SEMA4D: variants seen among roughly 807,000 people sequenced by gnomAD.
The protein encoded by SEMA4D is semaphorin 4D.
Under a neutral mutation model 74.8 loss-of-function variants are expected in SEMA4D, and 22 were observed. That is an observed-to-expected ratio of 0.29 (90% CI 0.21 to 0.42). The LOEUF is 0.42. Ranked by LOEUF, SEMA4D falls within the 10% of genes least tolerant of loss-of-function variation. The pLI, the probability that SEMA4D is intolerant of heterozygous loss-of-function variation, is 1.00. For synonymous variants in SEMA4D, 445 were observed against 463.7 expected, an observed-to-expected ratio of 0.96 and a Z score of 0.52; for missense variants, 937 against 1,118.4, an observed-to-expected ratio of 0.84 and a Z score of 2.31.
intron 1 of SEMA4D, among the ~76,000 whole-genome samples, chr9:89,473,589 C>T (rs1860994305): frequency 6.6e-6 from 1 of 150,954 alleles, no homozygotes; most frequent in African/African-American, 2.4e-5. Context: ...GGGCATGGTG[C>T]CTCATGCCTG....
At chr9:89,422,321 A>T (rs10908914) in intron 2 of SEMA4D, among the ~76,000 whole-genome samples, 43,331 of 152,146 alleles carry the variant, frequency 0.28, 6,386 homozygotes, top group Middle Eastern at 0.42. Context: ...GGTGAAGGTG[A>T]GAGTCAGATA....
At chr9:89,453,484 T>A (rs569369743) in intron 2 of SEMA4D, among the ~76,000 whole-genome samples, 1 of 152,214 alleles carries the variant, frequency 6.6e-6, no homozygotes, top group Non-Finnish European at 1.5e-5. Context: ...TTGCTGCCTG[T>A]CTTATCCTAT....
chr9:89,374,732 G>A (rs1284607594), downstream of SEMA4D, among the ~76,000 whole-genome samples: 1 of 152,172 alleles, frequency 6.6e-6, no homozygotes, highest in Non-Finnish European at 1.5e-5. Context: ...CTAGCTACAG[G>A]GGGTACACCT....
downstream of SEMA4D, chr9:89,376,894 C>T (rs1835869058): frequency 1.9e-6 from 3 of 1,550,734 alleles, no homozygotes; most frequent in Non-Finnish European, 2.6e-6. Context: ...CCTGGTCACT[C>T]AGGAAGGGCG....
intron 2 of SEMA4D, among the ~76,000 whole-genome samples, chr9:89,432,748 T>C (rs1198175963): frequency 6.6e-6 from 1 of 152,146 alleles, no homozygotes; most frequent in Non-Finnish European, 1.5e-5. Flanking sequence ...TTGGTGAGGA[T>C]GTGGAGAAGC....
Position 89,484,797 on chromosome 9 carries a change from T to A in SEMA4D, c.-310+13122A>T, listed in dbSNP as rs1235874639. The stretch of plus-strand genomic sequence containing the variant: ...GGGAATGTGTGGTGTGGTGTGTGGA[T>A]GTATTGTGTGGTGGGTGTGTGGTGT... On this transcript the variant is annotated intron_variant, in intron 1 of 15. Coordinates refer to ENST00000422704, the MANE Select transcript of SEMA4D (RefSeq NM_001371194.2). The surrounding 1 kb of genome is among the most constrained non-coding windows in gnomAD (Gnocchi z 4.1). Among the ~76,000 whole-genome samples the A allele has an allele frequency of 1.3e-5, 2 of 149,890 alleles. No homozygotes were observed. The highest frequency in any genetic ancestry group is 4.9e-5 in the African/African-American group (2 of 40,616).
intron 13 of SEMA4D, chr9:89,385,786 G>C (rs1046769478): frequency 7.2e-6 from 4 of 554,910 alleles, no homozygotes; most frequent in South Asian, 7.9e-5. Flanking sequence ...GGACTGACTG[G>C]GCCTGGATCC....
chr9:89,437,728 T>G (rs950997196), intron 2 of SEMA4D, among the ~76,000 whole-genome samples: 2 of 152,108 alleles, frequency 1.3e-5, no homozygotes, highest in African/African-American at 4.8e-5. Context: ...CAACGTGACT[T>G]GAGCAGGCAC....
At chr9:89,450,158 C>T in intron 2 of SEMA4D, 1 of 1,278,516 alleles carries the variant, frequency 7.8e-7, no homozygotes, top group South Asian at 1.2e-5. Flanking sequence ...GAGAAAAAAC[C>T]ATTACCCAGA....
chr9:89,375,812 A>G (rs943819703), downstream of SEMA4D, among the ~76,000 whole-genome samples: 1 of 152,212 alleles, frequency 6.6e-6, no homozygotes, highest in African/African-American at 2.4e-5. Flanking sequence ...TCCAGGGCAA[A>G]TGCCTCCAGG....
intron 18 of SEMA4D, chr9:89,362,457 TTGG>T: frequency 6.2e-7 from 1 of 1,614,008 alleles, no homozygotes; most frequent in East Asian, 2.2e-5. Flanking sequence ...CTTTGAATCC[TTGG>T]TGGAACGGAT....
intron 13 of SEMA4D, chr9:89,385,865 T>TTGGGGGC: frequency 4.7e-6 from 1 of 213,330 alleles, no homozygotes; most frequent in Non-Finnish European, 8.0e-6. Context: ...CCAGCGTGGA[T>TTGGGGGC]GCCCGCCCAC....
intron 2 of SEMA4D, chr9:89,436,226 A>T (rs1850357137): frequency 6.6e-6 from 1 of 152,176 alleles, no homozygotes; most frequent in African/African-American, 2.4e-5. Flanking sequence ...GCTCATTCTC[A>T]CTCAACCCCA....
In SEMA4D at chr9:89,405,500, G is replaced by A; in HGVS notation, c.-44C>T. 2 of 1,607,232 alleles carry A rather than the reference G, an allele frequency of 1.2e-6. No individual in the cohort carries two copies. The highest frequency in any genetic ancestry group is 8.5e-7 in the Non-Finnish European group (1 of 1,178,464). On this transcript the variant is annotated 5_prime_UTR_variant, in exon 3 of 16. Transcript: ENST00000422704. ...GGGGCTTCAGCAGCAAAGGCTCACG[G>A]CAGCAGGTGGCCGGGCAGGTGTGCT...
chr9:89,413,421 T>C (rs1165038807), intron 2 of SEMA4D, among the ~76,000 whole-genome samples: 1 of 152,198 alleles, frequency 6.6e-6, no homozygotes, highest in South Asian at 2.1e-4. Context: ...CATGTCTGCG[T>C]GTATGTATAT....
rs190481246 is a variant in SEMA4D at position 89,467,624 on chromosome 9, C to T, written c.-309-11671G>A. ...TCAGCTTACTGCAACCTCTGCCTCT[C>T]AGGTTCAAGAGATTCTCCTGCCTCA... On this transcript the variant is annotated intron_variant, in intron 1 of 15. Transcript: ENST00000422704. Among the ~76,000 whole-genome samples, 292 of 151,266 alleles carry T rather than the reference C, an allele frequency of 1.9e-3. 4 individuals are homozygous for T. The highest frequency in any genetic ancestry group is 3.5e-4 in the Non-Finnish European group (24 of 67,904).
chr9:89,449,480 T>C, intron 2 of SEMA4D: 1 of 722,396 alleles, frequency 1.4e-6, no homozygotes, highest in South Asian at 1.4e-5. Flanking sequence ...GAGGGAGCTC[T>C]GACCACAGCC....
chr9:89,373,811 G>A (rs1028522789), downstream of SEMA4D, among the ~76,000 whole-genome samples: 8 of 152,190 alleles, frequency 5.3e-5, no homozygotes, highest in Non-Finnish European at 1.2e-4. Flanking sequence ...CACCTGGAAT[G>A]GCTCATTCCT....
chr9:89,388,905 A>G lies in SEMA4D; in HGVS notation c.917T>C (p.Val306Ala), dbSNP rs544629286. The change falls in exon 10 of 16, where the codon GTG (valine) becomes GCG (alanine). Residue 306 changes from valine (V) to alanine (A), a missense_variant. Physicochemically the swap from Val to Ala is moderately conservative, Grantham distance 64. Coordinates refer to ENST00000422704, the MANE Select transcript of SEMA4D (RefSeq NM_001371194.2). Reference sequence around the variant, plus strand: ...GGTGAAGAGTGCATAGAACACAGGCACCTTCAGGCCCGGGGACCTGAGCAC... The same window carrying G: ...GGTGAAGAGTGCATAGAACACAGGCGCCTTCAGGCCCGGGGACCTGAGCAC... Reference protein sequence around the residue: ...VFVLRSPGLKVPVFYALFTPQ... With the variant: ...VFVLRSPGLKAPVFYALFTPQ... 1.4e-5 allele frequency: 22 copies of G among 1,614,030 alleles called. No individual in the cohort carries two copies. Among genetic ancestry groups the G allele is most frequent in the South Asian group, 1.3e-4 (12 of 91,082 alleles).
Sources: gnomAD v4.1 joint callset for allele counts (sites outside exome capture counted in the v4.1 genomes callset) on GRCh38, gnomAD v4.1.1 for gene constraint, Gnocchi (gnomAD v3.1) non-coding constraint, MANE v1.5 for transcripts, NCBI Gene and HGNC (gene_info 2026-07-23, HGNC 2026-07-21) for gene names.